Variants in HSPA12A observed in about 807,000 individuals in gnomAD.
The protein encoded by HSPA12A is heat shock protein family A (Hsp70) member 12A, also known as heat shock 70 kDa protein 12A.
Under a neutral mutation model 69.2 loss-of-function variants are expected in HSPA12A, and 28 were observed. The observed-to-expected ratio is 0.40, with a 90% CI of 0.30 to 0.55. The LOEUF is 0.55. HSPA12A is among the 20% of genes least tolerant of loss of function. The probability of loss-of-function intolerance (pLI) is 0.38; values close to 1 mark genes in which losing one functional copy is unlikely to be tolerated. For synonymous variants in HSPA12A, 345 were observed against 370.5 expected, an observed-to-expected ratio of 0.93 and a Z score of 0.79; for missense variants, 686 against 900.7, an observed-to-expected ratio of 0.76 and a Z score of 3.05.
chr10:116,729,196 G>A (rs1554885402), intron 1 of HSPA12A, among the ~76,000 whole-genome samples: 1 of 152,188 alleles, frequency 6.6e-6, no homozygotes, highest in Non-Finnish European at 1.5e-5. Context: ...CAGAGCCAAT[G>A]AGGAGCACGC....
chr10:116,774,070 C>T (rs552221401), intron 2 of HSPA12A, among the ~76,000 whole-genome samples: 3 of 151,130 alleles, frequency 2.0e-5, no homozygotes, highest in East Asian at 3.9e-4. Context: ...AGTGCAGTGG[C>T]GGGATCTCTG....
At chr10:116,825,005 T>C (rs1034268923) in intron 2 of HSPA12A, among the ~76,000 whole-genome samples, 5 of 149,178 alleles carry the variant, frequency 3.4e-5, no homozygotes, top group Non-Finnish European at 5.9e-5. Flanking sequence ...CCGGGCAACA[T>C]GGCAAAACCC....
At chr10:116,775,324 G>C (rs997028544) in intron 2 of HSPA12A, among the ~76,000 whole-genome samples, 1 of 152,158 alleles carries the variant, frequency 6.6e-6, no homozygotes, top group African/African-American at 2.4e-5. Flanking sequence ...ACGGGAGCCT[G>C]GGATTTGAAC....
rs543896720 is a variant in HSPA12A, at chr10:116,733,485, A to G, written c.40+8945T>C. On this transcript the variant is annotated intron_variant, in intron 1 of 11. Transcript: ENST00000369209. ...CAAAACATAGGAAGCCCCAAGGGAC[A>G]TCATTTAATTGTCAGTTTATAGGAA... Among the ~76,000 whole-genome samples, 7 of 152,350 alleles carry G rather than the reference A, an allele frequency of 4.6e-5. No homozygotes were observed. The East Asian group carries it at 1.4e-3, about 29-fold the overall frequency.
At chr10:116,745,457 A>G (rs1851628693), upstream of HSPA12A, among the ~76,000 whole-genome samples, 1 of 152,026 alleles carries the variant, frequency 6.6e-6, no homozygotes, top group Non-Finnish European at 1.5e-5. Flanking sequence ...AGCACCCTCT[A>G]TACCATCTCT....
intron 1 of HSPA12A, among the ~76,000 whole-genome samples, chr10:116,847,045 G>A (rs1369468698): frequency 6.6e-6 from 1 of 152,116 alleles, no homozygotes; most frequent in Non-Finnish European, 1.5e-5. Context: ...TGAACTCTAT[G>A]TGGATGTTGT....
chr10:116,762,910 C>T (rs564954617), intron 2 of HSPA12A, among the ~76,000 whole-genome samples: 36 of 152,174 alleles, frequency 2.4e-4, no homozygotes, highest in Non-Finnish European at 5.0e-4. Flanking sequence ...GTAGGGCATC[C>T]CTCCTCTGGG....
At chr10:116,756,592 C>A (rs1843856882) in intron 2 of HSPA12A, among the ~76,000 whole-genome samples, 1 of 152,216 alleles carries the variant, frequency 6.6e-6, no homozygotes, top group African/African-American at 2.4e-5. Context: ...CCCCCATAAC[C>A]CAAGGCCTGC....
chr10:116,831,753 A>G (rs1845619654), intron 2 of HSPA12A: 2 of 152,138 alleles, frequency 1.3e-5, no homozygotes. Flanking sequence ...TAATTGGCTT[A>G]TTTTTCCACA....
intron 2 of HSPA12A, among the ~76,000 whole-genome samples, chr10:116,773,503 C>T (rs1435536285): frequency 6.6e-6 from 1 of 152,212 alleles, no homozygotes; most frequent in African/African-American, 2.4e-5. Flanking sequence ...GAGAAGGTAA[C>T]ATGACCAGGG....
chr10:116,742,622 T>G, upstream of HSPA12A: 1 of 1,034,606 alleles, frequency 9.7e-7, no homozygotes, highest in Non-Finnish European at 1.2e-6. Flanking sequence ...CAGCCACGGC[T>G]CCTCCCCGGG....
intron 6 of HSPA12A, among the ~76,000 whole-genome samples, chr10:116,691,840 G>A (rs1024003897): frequency 3.9e-5 from 6 of 152,238 alleles, no homozygotes; most frequent in Non-Finnish European, 7.3e-5. Context: ...ACACCCCCCC[G>A]CTGAGTGAAG....
At chr10:116,833,432 G>C (rs1230653539) in intron 2 of HSPA12A, 1 of 152,184 alleles carries the variant, frequency 6.6e-6, no homozygotes, top group Non-Finnish European at 1.5e-5. Flanking sequence ...AAAAAAACAA[G>C]ATAATCATGC....
At position 116,698,624 on chromosome 10, in the gene HSPA12A, A is replaced by C. The variant is rs1554881186; in HGVS notation, c.546+11T>G. ...AGCACACAGCTGGCTGGCCTCAACT[A>C]TCAGTCCTACCTTCAGCGCCTGCTC... is the stretch of plus-strand genomic sequence containing the variant. On this transcript the variant is annotated intron_variant, in intron 5 of 11. Coordinates refer to ENST00000369209, the MANE Select transcript of HSPA12A (RefSeq NM_025015.3). 2 of 1,596,450 alleles carry C rather than the reference A, an allele frequency of 1.3e-6. No individual in the cohort carries two copies. The highest frequency in any genetic ancestry group is 2.2e-5 in the South Asian group (2 of 90,518).
chr10:116,726,027 G>GCGCGCGCA (rs140160132), intron 1 of HSPA12A, among the ~76,000 whole-genome samples: 6 of 146,108 alleles, frequency 4.1e-5, no homozygotes, highest in African/African-American at 7.7e-5. Context: ...ACACACACAC[G>GCGCGCGCA]CACACACACA....
At chr10:116,826,254 G>A (rs934081697) in intron 2 of HSPA12A, among the ~76,000 whole-genome samples, 1 of 152,084 alleles carries the variant, frequency 6.6e-6, no homozygotes, top group African/African-American at 2.4e-5. Flanking sequence ...TCCATCTGTC[G>A]TGACATATTT....
intron 2 of HSPA12A, among the ~76,000 whole-genome samples, chr10:116,776,603 A>G (rs1031118671): frequency 6.6e-6 from 1 of 152,216 alleles, no homozygotes; most frequent in African/African-American, 2.4e-5. Context: ...CGTCAAAGTG[A>G]ACAACGAATT....
chr10:116,682,008 G>C, intron 7 of HSPA12A, 131 bp from the exon 8 acceptor site: 1 of 725,254 alleles, frequency 1.4e-6, no homozygotes. Flanking sequence ...ACCAAAATAA[G>C]TCAATACGAT....
chr10:116,816,134 G>T (rs1313189319), intron 2 of HSPA12A, among the ~76,000 whole-genome samples: 2 of 152,182 alleles, frequency 1.3e-5, no homozygotes, highest in Non-Finnish European at 2.9e-5. Flanking sequence ...AGGAGTGAGT[G>T]GCATACCAGA....
Sources: allele counts gnomAD v4.1 joint callset (sites outside exome capture counted in the v4.1 genomes callset), GRCh38; gene constraint gnomAD v4.1.1; transcripts MANE v1.5; gene names NCBI Gene and HGNC (gene_info 2026-07-23, HGNC 2026-07-21).